Variants in PPP2R1A observed in about 807,000 individuals in gnomAD.
PPP2R1A encodes protein phosphatase 2 scaffold subunit Aalpha, also known as serine/threonine-protein phosphatase 2A 65 kDa regulatory subunit A alpha isoform.
PPP2R1A carries 15 observed loss-of-function variants against 67.1 expected under a neutral mutation model. The ratio of observed to expected loss-of-function variants is 0.22; its 90% CI spans 0.15 to 0.34. PPP2R1A has a LOEUF of 0.34. Ranked by LOEUF, PPP2R1A falls within the 10% of genes least tolerant of loss-of-function variation. PPP2R1A has a pLI of 1.00. For missense variants in PPP2R1A, 369 were observed against 775.0 expected, an observed-to-expected ratio of 0.48 and a Z score of 6.22; for synonymous variants, 337 against 325.0, an observed-to-expected ratio of 1.04 and a Z score of -0.40.
intron 9 of PPP2R1A, among the ~76,000 whole-genome samples, chr19:52,217,459 A>G (rs937728700): frequency 8.5e-5 from 13 of 152,196 alleles, no homozygotes; most frequent in Admixed American, 1.3e-4. Flanking sequence ...CTTGGCCTCC[A>G]AAGGCCTGGG....
chr19:52,206,632 G>C (rs1015693450), intron 3 of PPP2R1A, among the ~76,000 whole-genome samples: 2 of 152,126 alleles, frequency 1.3e-5, no homozygotes, highest in Admixed American at 1.3e-4. Context: ...ACTAGTAGAT[G>C]GCAGAGCTGG....
intron 1 of PPP2R1A, among the ~76,000 whole-genome samples, chr19:52,199,785 A>T (rs1252202776): frequency 2.0e-5 from 3 of 152,184 alleles, no homozygotes; most frequent in Admixed American, 1.3e-4. Context: ...CAGGTCAGTG[A>T]TTGTTAGTGT....
chr19:52,212,621 A>T lies in PPP2R1A; in HGVS notation c.504-65A>T. The T allele has an allele frequency of 6.3e-7, 1 of 1,576,196 alleles. No individual in the cohort carries two copies. The highest frequency in any genetic ancestry group is 1.1e-5 in the South Asian group (1 of 89,016). ...AAAACCTGGACCCACACAACTGCAG[A>T]GTCTGTGCTTGCTCCTCTCTGCCAT... On this transcript the variant is annotated intron_variant, in intron 4 of 14. Transcript: ENST00000322088. This position sits in a 1 kb window ranked among gnomAD's most constrained non-coding sequence, Gnocchi z 4.1.
chr19:52,199,832 C>T (rs1352869071), intron 1 of PPP2R1A, among the ~76,000 whole-genome samples: 1 of 152,134 alleles, frequency 6.6e-6, no homozygotes, highest in African/African-American at 2.4e-5. Context: ...ATAGGTCTGT[C>T]TCTATATACG....
At chr19:52,201,770 A>G (rs1600160814) in intron 1 of PPP2R1A, 174 bp from the exon 2 acceptor site, 3 of 588,478 alleles carry the variant, frequency 5.1e-6, no homozygotes, top group East Asian at 2.8e-5. Context: ...TTGTTATTTA[A>G]TGATTCCCTC....
intron 1 of PPP2R1A, among the ~76,000 whole-genome samples, chr19:52,195,816 G>A (rs936064053): frequency 1.3e-5 from 2 of 152,160 alleles, no homozygotes; most frequent in African/African-American, 2.4e-5. Flanking sequence ...ACCTCTGTGT[G>A]TTCGGCTATG....
In PPP2R1A at chr19:52,226,153, C is replaced by A; in HGVS notation, c.*172C>A. On this transcript the variant is annotated 3_prime_UTR_variant, in exon 15 of 15. Coordinates refer to ENST00000322088, the MANE Select transcript of PPP2R1A (RefSeq NM_014225.6). The stretch of plus-strand genomic sequence containing the variant: ...CTCCCCAGCCTGGGAAGATGTCTCA[C>A]TGTCCACCTCCCAACGGGCTAGGGG... 1 of 1,012,034 alleles carries A rather than the reference C, an allele frequency of 9.9e-7. No homozygotes were observed. Among genetic ancestry groups the A allele is most frequent in the Non-Finnish European group, 1.5e-6 (1 of 684,676 alleles). 62.7% of individuals were successfully genotyped at this position (1,012,034 alleles called of 1,614,324 possible). A position where few individuals can be genotyped will look rare whatever the true frequency, so the allele number is the denominator to read the frequency against.
chr19:52,219,540 T>G lies in PPP2R1A; in HGVS notation c.1129-151T>G. 1 of 711,030 alleles carries G rather than the reference T, an allele frequency of 1.4e-6. No individual in the cohort carries two copies. The allele number at this position is 711,030 out of a possible 1,614,324, so 44.0% of individuals were successfully genotyped here. A position where few individuals can be genotyped will look rare whatever the true frequency, so the allele number is the denominator to read the frequency against. ...CATGCTGCTTGCTTTTTGTGTGCCG[T>G]TAATGTGTTCCCAGAACGGGGAGCT... On this transcript the variant is annotated intron_variant, in intron 9 of 14. Coordinates refer to ENST00000322088, the MANE Select transcript of PPP2R1A (RefSeq NM_014225.6). This position sits in a 1 kb window ranked among gnomAD's most constrained non-coding sequence, Gnocchi z 4.0.
intron 1 of PPP2R1A, among the ~76,000 whole-genome samples, chr19:52,197,041 G>A (rs2089502716): frequency 6.6e-6 from 1 of 152,200 alleles, no homozygotes; most frequent in Non-Finnish European, 1.5e-5. Context: ...ATTATGAACA[G>A]CAGTATAGCC....
Position 52,219,475 on chromosome 19 carries a change from T to C in PPP2R1A, c.1129-216T>C, listed in dbSNP as rs1385728255. On this transcript the variant is annotated intron_variant, in intron 9 of 14. Transcript: ENST00000322088. The surrounding 1 kb of genome is among the most constrained non-coding windows in gnomAD (Gnocchi z 4.0). ...CAAAATGGATAAACATTTCTTGTGA[T>C]ACTATTGTAAGGTTTAAAAATCTGC... Among the ~76,000 whole-genome samples the C allele has an allele frequency of 6.6e-6, 1 of 152,252 alleles. No individual in the cohort carries two copies. The highest frequency in any genetic ancestry group is 6.5e-5 in the Admixed American group (1 of 15,292).
In PPP2R1A at chr19:52,206,878, A is replaced by G. The variant is rs930807535; in HGVS notation, c.270+815A>G. Among the ~76,000 whole-genome samples the G allele has an allele frequency of 3.3e-5, 5 of 151,914 alleles. 1 individual carries two copies. In the South Asian group the frequency reaches 6.2e-4, roughly 19 times the overall value. On this transcript the variant is annotated intron_variant, in intron 3 of 14. Transcript: ENST00000322088. ...GCCTCTGCCTCTGCCCCACTCCCCC[A>G]GTGATTGTGTATTTCACTGTCGCTA...
rs375789388 is a variant in PPP2R1A, at chr19:52,225,960, C to T, written c.1754-5C>T. 3.1e-6 allele frequency: 5 copies of T among 1,614,220 alleles called. No homozygotes were observed. Among genetic ancestry groups the T allele is most frequent in the Non-Finnish European group, 4.2e-6 (5 of 1,180,042 alleles). ...TCTGATTCTTGCCTGTTCCTGTTTT[C>T]CTAGTTCTGTCTCTCGCCTGATGCT... On this transcript the variant is annotated splice_polypyrimidine_tract_variant and splice_region_variant and intron_variant, in intron 14 of 14. Coordinates refer to ENST00000322088, the MANE Select transcript of PPP2R1A (RefSeq NM_014225.6).
chr19:52,204,851 C>G (rs1043991291), intron 2 of PPP2R1A, among the ~76,000 whole-genome samples: 31 of 152,288 alleles, frequency 2.0e-4, no homozygotes, highest in African/African-American at 6.7e-4. Flanking sequence ...TCCCTTTAGT[C>G]TCCGAACAAC....
intron 6 of PPP2R1A, among the ~76,000 whole-genome samples, chr19:52,215,230 G>GT (rs142863559): frequency 0.11 from 16,730 of 151,560 alleles, 1,116 homozygotes; most frequent in African/African-American, 0.19. Context: ...TAATTGTTTT[G>GT]TTTTTTTTGT....
Position 52,225,790 on chromosome 19 carries a change from G to T in PPP2R1A, c.1735G>T (p.Ala579Ser). ...CCAGGATGTGGACGTCAAATACTTT[G>T]CCCAGGAGGCTCTGACTGGTAAGAC... ...QDQDVDVKYF[A>S]QEALTVLSLA The change falls in exon 14 of 15, where the codon GCC becomes TCC. Residue 579 changes from alanine (A) to serine (S), a missense_variant. This residue lies in a region of PPP2R1A where 276 missense variants were observed against 508.4 expected (regional missense o/e 0.54). Transcript: ENST00000322088. 4 of 1,614,204 alleles carry T rather than the reference G, an allele frequency of 2.5e-6. No homozygotes were observed. Among genetic ancestry groups the T allele is most frequent in the Non-Finnish European group, 3.4e-6 (4 of 1,180,010 alleles).
intron 12 of PPP2R1A, among the ~76,000 whole-genome samples, chr19:52,221,557 T>C (rs1427792577): frequency 6.6e-6 from 1 of 152,148 alleles, no homozygotes. Flanking sequence ...GATGCTTTGG[T>C]CTTCTCATTT....
Position 52,219,980 on chromosome 19 carries a change from T to A in PPP2R1A, c.1302+116T>A. 2.2e-6 allele frequency: 3 copies of A among 1,370,308 alleles called. No individual in the cohort carries two copies. The highest frequency in any genetic ancestry group is 2.9e-6 in the Non-Finnish European group (3 of 1,017,426). 84.9% of individuals were successfully genotyped at this position (1,370,308 alleles called of 1,614,324 possible). Reference sequence around the variant, plus strand: ...CTTAGTGGAGGCTGTGACAACTGCCTGGGGAGTCGAAGGAAGGGACCCAGG... The same window carrying A: ...CTTAGTGGAGGCTGTGACAACTGCCAGGGGAGTCGAAGGAAGGGACCCAGG... On this transcript the variant is annotated intron_variant, in intron 10 of 14. Transcript: ENST00000322088. The surrounding 1 kb of genome is among the most constrained non-coding windows in gnomAD (Gnocchi z 4.0).
intron 9 of PPP2R1A, among the ~76,000 whole-genome samples, chr19:52,217,213 T>C (rs1978631482): frequency 6.6e-6 from 1 of 152,116 alleles, no homozygotes; most frequent in Non-Finnish European, 1.5e-5. Flanking sequence ...TTTATTTATG[T>C]TTTGAGATAG....
chr19:52,202,098 A>G, intron 2 of PPP2R1A, 64 bp downstream of exon 2: 2 of 1,357,074 alleles, frequency 1.5e-6, no homozygotes, highest in Admixed American at 1.7e-5. Flanking sequence ...TCACTATATA[A>G]GAGAAGACTT....
Sources: gnomAD v4.1 joint callset for allele counts (sites outside exome capture counted in the v4.1 genomes callset) on GRCh38, gnomAD v4.1.1 for gene constraint, gnomAD v4.1.1 regional missense constraint, Gnocchi (gnomAD v3.1) non-coding constraint, MANE v1.5 for transcripts, NCBI Gene and HGNC (gene_info 2026-07-23, HGNC 2026-07-21) for gene names.